Variants in NUDT22 observed in about 807,000 individuals in gnomAD.
NUDT22 encodes uridine diphosphate glucose pyrophosphatase NUDT22.
Under a neutral mutation model 28.8 loss-of-function variants are expected in NUDT22, and 23 were observed. The ratio of observed to expected loss-of-function variants is 0.80; its 90% CI spans 0.58 to 1.13. The LOEUF (loss-of-function observed/expected upper bound fraction) is 1.13, where lower values mean the gene tolerates loss of function less well. Ranked by LOEUF, NUDT22 falls within the 50% of genes most tolerant of loss-of-function variation. The pLI is 0.00. For synonymous variants in NUDT22, 175 were observed against 173.7 expected, an observed-to-expected ratio of 1.01 and a Z score of -0.06; for missense variants, 358 against 387.3, an observed-to-expected ratio of 0.92 and a Z score of 0.64.
Position 64,227,557 on chromosome 11 carries a change from A to G in NUDT22, c.481-11A>G. On this transcript the variant is annotated splice_polypyrimidine_tract_variant and intron_variant, in intron 2 of 5. Transcript: ENST00000279206. ...AGGTGGGGAGCAGGGGCTGAGCCTG[A>G]CCTCTCACAGGCCCTGTGCCCTGGT... is the stretch of plus-strand genomic sequence containing the variant. The G allele has an allele frequency of 6.2e-7, 1 of 1,608,968 alleles. No individual in the cohort carries two copies.
At position 64,226,888 on chromosome 11, in the gene NUDT22, TC is replaced by T; in HGVS notation, c.238del (p.Leu80CysfsTer48). 6.2e-7 allele frequency: 1 copy of T among 1,604,258 alleles called. No individual in the cohort carries two copies. On this transcript the variant is annotated frameshift_variant, in exon 2 of 6. Coordinates refer to ENST00000279206, the MANE Select transcript of NUDT22 (RefSeq NM_032344.4). LOFTEE classifies it high-confidence loss of function. ...ATTGGCTCTCGGGGGCCACAGCTGC[TC>T]CTGCGCCTGGGCCTTACTTCCTACC... is the stretch of plus-strand genomic sequence containing the variant. ...APIGSRGPQL[L>X]LRLGLTSYRD...
chr11:64,226,663 A>C lies in NUDT22; in HGVS notation c.11A>C (p.Glu4Ala), dbSNP rs996451907. ...TGCCCCGTTCAGACCATGGATCCTG[A>C]GGTGACCTTGCTGCTGCAGTGCCCT... MDP[E>A]VTLLLQCPGG... Residue 4 changes from glutamate (E) to alanine (A), a missense_variant, in exon 2 of 6, where the codon GAG becomes GCG. Transcript: ENST00000279206. The C allele has an allele frequency of 3.1e-6, 5 of 1,597,144 alleles. No individual in the cohort carries two copies. In the Admixed American group the frequency reaches 6.9e-5, roughly 22 times the overall value.
chr11:64,229,412 C>G (rs1947133043), intron 4 of NUDT22, 66 bp from the exon 5 acceptor site: 9 of 1,603,430 alleles, frequency 5.6e-6, no homozygotes, highest in Non-Finnish European at 7.7e-6. Flanking sequence ...GCTGAGGCAG[C>G]TGTGGCTCCA....
Position 64,227,596 on chromosome 11 carries a change from A to T in NUDT22, c.509A>T (p.His170Leu). 1 of 1,613,976 alleles carries T rather than the reference A, an allele frequency of 6.2e-7. No homozygotes were observed. Among genetic ancestry groups the T allele is most frequent in the Non-Finnish European group, 8.5e-7 (1 of 1,179,994 alleles). Reference protein sequence around the residue: ...QALCPGGSPQHQDLAGQLVVH... With the variant: ...QALCPGGSPQLQDLAGQLVVH... ...CTGTGCCCTGGTGGCAGCCCCCAGCACCAGGACCTCGCTGGGCAGCTGGTG... is the reference window on the plus strand; with the variant it reads ...CTGTGCCCTGGTGGCAGCCCCCAGCTCCAGGACCTCGCTGGGCAGCTGGTG... Residue 170 changes from histidine to leucine, a missense_variant, in exon 3 of 6, where the codon CAC becomes CTC. Physicochemically the swap from His to Leu is moderately conservative, Grantham distance 99. Coordinates refer to ENST00000279206, the MANE Select transcript of NUDT22 (RefSeq NM_032344.4).
chr11:64,227,508 G>C, intron 2 of NUDT22, 60 bp from the exon 3 acceptor site: 1 of 1,313,282 alleles, frequency 7.6e-7, no homozygotes, highest in South Asian at 1.2e-5. Context: ...AGGCTTGCTG[G>C]TCCTGAGATG....
In NUDT22 at chr11:64,227,639, C is replaced by T; in HGVS notation, c.552C>T (p.Ser184=). 6.2e-7 allele frequency: 1 copy of T among 1,614,060 alleles called. No homozygotes were observed. The highest frequency in any genetic ancestry group is 1.1e-5 in the South Asian group (1 of 91,084). ...AGCTGGTGGTACATGAACTCTTTTC[C>T]AGTGTCCTTCAGGAGATCTGTGATG... The part of the protein sequence containing the change: ...AGQLVVHELF[S]SVLQEICDEV... The change falls in exon 3 of 6, where the codon TCC becomes TCT. Residue 184 remains serine (S), a synonymous_variant. Coordinates refer to ENST00000279206, the MANE Select transcript of NUDT22 (RefSeq NM_032344.4).
At chr11:64,230,054 C>T (rs1350508424), downstream of NUDT22, 12 of 1,328,140 alleles carry the variant, frequency 9.0e-6, no homozygotes, top group Non-Finnish European at 1.2e-5. Flanking sequence ...CAGAGAGGAG[C>T]AATGGGCCCT....
Position 64,226,700 on chromosome 11 carries a change from G to A in NUDT22, c.48G>A (p.Leu16=), listed in dbSNP as rs777539785. The part of the protein sequence containing the change: ...TLLLQCPGGG[L]PQEQIQAELS... Reference sequence around the variant, plus strand: ...TGCTGCAGTGCCCTGGCGGGGGCCTGCCCCAGGAGCAGATACAGGCCGAGC... The same window carrying A: ...TGCTGCAGTGCCCTGGCGGGGGCCTACCCCAGGAGCAGATACAGGCCGAGC... The change falls in exon 2 of 6, where the codon CTG becomes CTA. Residue 16 remains leucine (L), a synonymous_variant. Transcript: ENST00000279206. The A allele has an allele frequency of 1.2e-6, 2 of 1,609,200 alleles. No individual in the cohort carries two copies. The highest frequency in any genetic ancestry group is 1.7e-4 in the Middle Eastern group (1 of 6,014).
At position 64,226,872 on chromosome 11, in the gene NUDT22, C is replaced by T. The variant is rs763599228; in HGVS notation, c.220C>T (p.Arg74Trp). 4 of 1,605,724 alleles carry T rather than the reference C, an allele frequency of 2.5e-6. No homozygotes were observed. Among genetic ancestry groups the T allele is most frequent in the Non-Finnish European group, 3.4e-6 (4 of 1,179,930 alleles). Residue 74 changes from arginine (R) to tryptophan (W), a missense_variant, in exon 2 of 6, where the codon CGG becomes TGG. Arg to Trp is a moderately radical substitution (Grantham distance 101). Transcript: ENST00000279206. ...AGCCACCCTGGCGCCTATTGGCTCT[C>T]GGGGGCCACAGCTGCTCCTGCGCCT... ...HSATLAPIGS[R>W]GPQLLLRLGL...
chr11:64,226,581 C>T (rs2134970447), intron 1 of NUDT22, 54 bp from the exon 2 acceptor site: 7 of 1,517,164 alleles, frequency 4.6e-6, no homozygotes, highest in Non-Finnish European at 5.3e-6. Context: ...GCTGCGCAGC[C>T]CAGGAGTGGT....
intron 5 of NUDT22, 109 bp from the exon 6 acceptor site, chr11:64,229,741 T>G: frequency 6.9e-7 from 1 of 1,457,986 alleles, no homozygotes; most frequent in Non-Finnish European, 9.5e-7. Context: ...CCCCTTAACA[T>G]GCCTCCCTAA....
chr11:64,226,632 C>G lies in NUDT22; in HGVS notation c.-18-3C>G, dbSNP rs765265151. 1.3e-6 allele frequency: 2 copies of G among 1,549,474 alleles called. No homozygotes were observed. Among genetic ancestry groups the G allele is most frequent in the Admixed American group, 2.0e-5 (1 of 51,202 alleles). On this transcript the variant is annotated splice_region_variant and splice_polypyrimidine_tract_variant and intron_variant, in intron 1 of 5. Transcript: ENST00000279206. ...TGACAGGCCTGGCCGTATCCTCCCC[C>G]AGAGCTGCCCCGTTCAGACCATGGA...
At position 64,226,719 on chromosome 11, in the gene NUDT22, G is replaced by A. The variant is rs763553025; in HGVS notation, c.67G>A (p.Ala23Thr). Residue 23 changes from alanine (A) to threonine (T), a missense_variant, in exon 2 of 6, where the codon GCC becomes ACC. Ala to Thr is a moderately conservative substitution (Grantham distance 58). Transcript: ENST00000279206. ...GGGLPQEQIQAELSPAHDRRP... is the reference protein window; with the variant it reads ...GGGLPQEQIQTELSPAHDRRP... Reference sequence around the variant, plus strand: ...GGGCCTGCCCCAGGAGCAGATACAGGCCGAGCTGAGCCCCGCCCATGACCG... The same window carrying A: ...GGGCCTGCCCCAGGAGCAGATACAGACCGAGCTGAGCCCCGCCCATGACCG... 7 of 1,610,410 alleles carry A rather than the reference G, an allele frequency of 4.3e-6. No homozygotes were observed. In the South Asian group the frequency reaches 7.7e-5, roughly 18 times the overall value.
upstream of NUDT22, chr11:64,226,267 A>G: frequency 1.7e-6 from 1 of 575,140 alleles, no homozygotes; most frequent in Non-Finnish European, 2.5e-6. Flanking sequence ...CGCTTCGGGG[A>G]AGGGGCGGAG....
chr11:64,229,966 C>T lies in NUDT22; in HGVS notation c.888C>T (p.Ser296=). Reference sequence around the variant, plus strand: ...GTCCCACTGGAGCGGCCCTAGGGTCCCCAGCCCTACTCCCGCCGCTCTGAA... The same window carrying T: ...GTCCCACTGGAGCGGCCCTAGGGTCTCCAGCCCTACTCCCGCCGCTCTGAA... ...QGSPTGAALG[S]PALLPPL Residue 296 remains serine (S), a synonymous_variant, in exon 6 of 6, where the codon TCC becomes TCT. Transcript: ENST00000279206. 6.2e-7 allele frequency: 1 copy of T among 1,612,994 alleles called. No homozygotes were observed. Among genetic ancestry groups the T allele is most frequent in the Non-Finnish European group, 8.5e-7 (1 of 1,179,942 alleles).
rs780379205 is a variant in NUDT22 at position 64,229,882 on chromosome 11, G to A, written c.804G>A (p.Trp268Ter). The A allele has an allele frequency of 9.3e-6, 15 of 1,613,452 alleles. No homozygotes were observed. The highest frequency in any genetic ancestry group is 1.2e-5 in the Non-Finnish European group (14 of 1,180,016). Residue 268 changes from tryptophan (W) to a stop codon, truncating the protein, a stop_gained, in exon 6 of 6, where the codon TGG (tryptophan) becomes TGA (stop). Transcript: ENST00000279206. LOFTEE classifies it high-confidence loss of function. ...NVQRLLETEMWAELCPSAKGA... is the reference protein window; with the variant it reads ...NVQRLLETEM Reference sequence around the variant, plus strand: ...AGAGATTGCTCGAGACGGAGATGTGGGCTGAACTCTGCCCCTCGGCCAAAG... The same window carrying A: ...AGAGATTGCTCGAGACGGAGATGTGAGCTGAACTCTGCCCCTCGGCCAAAG...
rs1191113379 is a variant in NUDT22, at chr11:64,226,950, G to T, written c.298G>T (p.Ala100Ser). 6.2e-7 allele frequency: 1 copy of T among 1,602,378 alleles called. No homozygotes were observed. The highest frequency in any genetic ancestry group is 8.5e-7 in the Non-Finnish European group (1 of 1,179,930). ...FLGTNWSSSA[A>S]WLRQQGATDW... ...GGGCACCAACTGGTCCAGCTCAGCT[G>T]CCTGGCTGCGACAGCAGGGTGCCAC... is the stretch of plus-strand genomic sequence containing the variant. The change falls in exon 2 of 6, where the codon GCC becomes TCC. Residue 100 changes from alanine to serine, a missense_variant. Ala to Ser is a moderately conservative substitution (Grantham distance 99, BLOSUM62 1). Coordinates refer to ENST00000279206, the MANE Select transcript of NUDT22 (RefSeq NM_032344.4).
intron 3 of NUDT22, among the ~76,000 whole-genome samples, chr11:64,228,149 G>T (rs552450350): frequency 6.7e-6 from 1 of 148,678 alleles, no homozygotes; most frequent in African/African-American, 2.5e-5. Context: ...GGGATTACAG[G>T]TGTGAGCCAC....
chr11:64,226,567 G>T, intron 1 of NUDT22, 68 bp from the exon 2 acceptor site: 1 of 1,504,960 alleles, frequency 6.6e-7, no homozygotes, highest in East Asian at 2.3e-5. Context: ...GACAGAGGGG[G>T]CTAGCTGCGC....
Sources: allele counts gnomAD v4.1 joint callset (sites outside exome capture counted in the v4.1 genomes callset), GRCh38; gene constraint gnomAD v4.1.1; transcripts MANE v1.5; gene names NCBI Gene and HGNC (gene_info 2026-07-23, HGNC 2026-07-21).